The following SAMD4B variants were observed in gnomAD, a reference collection of about 807,000 sequenced individuals.
The protein encoded by SAMD4B is sterile alpha motif domain containing 4B, also known as protein Smaug homolog 2.
A neutral mutation model predicts 74.5 loss-of-function variants in SAMD4B; 5 were observed. The observed-to-expected ratio is 0.07, with a 90% CI of 0.04 to 0.14. The LOEUF (loss-of-function observed/expected upper bound fraction) is 0.14. Among genes scored for constraint, SAMD4B ranks in the 10% least tolerant of loss-of-function variants. The probability of loss-of-function intolerance (pLI) is 1.00; values close to 1 mark genes in which losing one functional copy is unlikely to be tolerated. For missense variants in SAMD4B, 608 were observed against 921.8 expected, an observed-to-expected ratio of 0.66 and a Z score of 4.41; for synonymous variants, 373 against 374.9, an observed-to-expected ratio of 1.00 and a Z score of 0.06.
downstream of SAMD4B, chr19:39,386,948 C>A: frequency 1.6e-6 from 1 of 642,702 alleles, no homozygotes; most frequent in Non-Finnish European, 2.8e-6. This position sits in a 1 kb window ranked among gnomAD's most constrained non-coding sequence, Gnocchi z 6.1. Flanking sequence ...TGAATAAGGG[C>A]AGCTAAGCTC....
chr19:39,357,110 A>G (rs748092328), intron 3 of SAMD4B, 21 bp downstream of exon 3: 59 of 1,583,102 alleles, frequency 3.7e-5, no homozygotes, highest in Non-Finnish European at 5.0e-5. Context: ...ACCCTTAGAG[A>G]TGGGAGCACA....
downstream of SAMD4B, chr19:39,388,638 T>G: frequency 6.2e-7 from 1 of 1,614,124 alleles, no homozygotes; most frequent in Non-Finnish European, 8.5e-7. Flanking sequence ...AGGCAGGAAA[T>G]AGGCCACAAA....
chr19:39,368,681 G>A (rs1315819838), intron 3 of SAMD4B, among the ~76,000 whole-genome samples: 1 of 152,162 alleles, frequency 6.6e-6, no homozygotes, highest in Non-Finnish European at 1.5e-5. Flanking sequence ...CGATTGGAAG[G>A]GGAGAATCTA....
At position 39,381,074 on chromosome 19, in the gene SAMD4B, G is replaced by T; in HGVS notation, c.1933G>T (p.Val645Phe). Residue 645 changes from valine (V) to phenylalanine (F), a missense_variant, in exon 12 of 14, where the codon GTC (valine) becomes TTC (phenylalanine). By Grantham distance (50) the Val-to-Phe change is conservative. Transcript: ENST00000610417. Reference sequence around the variant, plus strand: ...TGTGCAGCGCACCCACTCGCTCCCGGTCCACTCGTCACCCCAGGCCATTCT... The same window carrying T: ...TGTGCAGCGCACCCACTCGCTCCCGTTCCACTCGTCACCCCAGGCCATTCT... ...SSVQRTHSLP[V>F]HSSPQAILMF... The T allele has an allele frequency of 6.2e-7, 1 of 1,612,726 alleles. No homozygotes were observed. Among genetic ancestry groups the T allele is most frequent in the Non-Finnish European group, 8.5e-7 (1 of 1,179,868 alleles).
At chr19:39,388,684 G>A (rs1057254612), downstream of SAMD4B, 10 of 1,613,288 alleles carry the variant, frequency 6.2e-6, no homozygotes, top group African/African-American at 9.3e-5. Context: ...CCCCTGGTTG[G>A]GGGAAAAGGA....
chr19:39,375,795 GC>G lies in SAMD4B; in HGVS notation c.817del (p.Gln273ArgfsTer29). 6.2e-7 allele frequency: 1 copy of G among 1,613,944 alleles called. No individual in the cohort carries two copies. On this transcript the variant is annotated frameshift_variant, in exon 5 of 14. Transcript: ENST00000610417. LOFTEE classifies it high-confidence loss of function. The surrounding 1 kb of genome is among the most constrained non-coding windows in gnomAD (Gnocchi z 4.1). Reference sequence around the variant, plus strand: ...CCACGCCCGATCACGCACCTCTCTCGCCCCAGAGCAGCGTGGCCTCCTCTGG... The same window carrying G: ...CCACGCCCGATCACGCACCTCTCTCGCCCAGAGCAGCGTGGCCTCCTCTGG... ...FTTPDHAPLS[P>X]QSSVASSGSE... is the part of the protein sequence containing the mutation.
intron 4 of SAMD4B, among the ~76,000 whole-genome samples, chr19:39,374,003 T>TA (rs1379157845): frequency 2.9e-5 from 4 of 139,062 alleles, no homozygotes; most frequent in South Asian, 2.3e-4. Context: ...ACAGGTGGCT[T>TA]ACGCCTGTAA....
Position 39,378,419 on chromosome 19 carries a change from T to C in SAMD4B, c.1445-85T>C. On this transcript the variant is annotated intron_variant, in intron 8 of 13. Coordinates refer to ENST00000610417, the MANE Select transcript of SAMD4B (RefSeq NM_001384574.2). The surrounding 1 kb of genome is among the most constrained non-coding windows in gnomAD (Gnocchi z 4.4). ...CATCCAGCCTGAGTCTCCTGTTCCTTCTTGTGCACGAGCCAGCTGGAGGCT... is the reference window on the plus strand; with the variant it reads ...CATCCAGCCTGAGTCTCCTGTTCCTCCTTGTGCACGAGCCAGCTGGAGGCT... 6 of 1,208,300 alleles carry C rather than the reference T, an allele frequency of 5.0e-6. No individual in the cohort carries two copies. Among genetic ancestry groups the C allele is most frequent in the Non-Finnish European group, 7.3e-6 (6 of 818,442 alleles). The allele number at this position is 1,208,300 out of a possible 1,614,324, so 74.8% of individuals were successfully genotyped here.
chr19:39,347,927 G>T (rs1202008386), intron 1 of SAMD4B, among the ~76,000 whole-genome samples: 1 of 149,254 alleles, frequency 6.7e-6, no homozygotes, highest in Admixed American at 6.6e-5. Context: ...ATATTCTGAT[G>T]GGGGGAGGAA....
downstream of SAMD4B, chr19:39,389,479 C>T (rs1568374837): frequency 6.2e-7 from 1 of 1,614,132 alleles, no homozygotes; most frequent in Non-Finnish European, 8.5e-7. This position sits in a 1 kb window ranked among gnomAD's most constrained non-coding sequence, Gnocchi z 5.3. Context: ...TACCCACTCA[C>T]CTCTTGGAGC....
downstream of SAMD4B, chr19:39,389,254 C>A (rs1192695398): frequency 6.2e-7 from 1 of 1,609,138 alleles, no homozygotes; most frequent in South Asian, 1.1e-5. This position sits in a 1 kb window ranked among gnomAD's most constrained non-coding sequence, Gnocchi z 5.3. Context: ...ATATCTCCAC[C>A]TTCCCTCTCT....
chr19:39,385,205 T>A lies in SAMD4B; in HGVS notation c.*1678T>A. 16 of 164,058 alleles carry A rather than the reference T, an allele frequency of 9.8e-5. No individual in the cohort carries two copies. Among genetic ancestry groups the A allele is most frequent in the East Asian group, 1.6e-4 (1 of 6,382 alleles). 10.2% of individuals were successfully genotyped at this position (164,058 alleles called of 1,614,324 possible). On this transcript the variant is annotated 3_prime_UTR_variant, in exon 14 of 14. Coordinates refer to ENST00000610417, the MANE Select transcript of SAMD4B (RefSeq NM_001384574.2). ...TGTTTCTGTGCCTTTGCTCATCCCC[T>A]CAATCTCCCAGGGCTTCTCCAGTCC...
In SAMD4B at chr19:39,375,814, T is replaced by G; in HGVS notation, c.832T>G (p.Ser278Ala). The G allele has an allele frequency of 1.9e-6, 3 of 1,613,760 alleles. No homozygotes were observed. The highest frequency in any genetic ancestry group is 2.2e-5 in the East Asian group (1 of 44,870). The change falls in exon 5 of 14, where the codon TCC becomes GCC. Residue 278 changes from serine to alanine, a missense_variant. Ser to Ala is a moderately conservative substitution (Grantham distance 99). Around this residue, in one of 9 missense-constraint regions of SAMD4B, gnomAD observed 31 missense variants for 43.4 expected, o/e 0.71. Transcript: ENST00000610417. This position sits in a 1 kb window ranked among gnomAD's most constrained non-coding sequence, Gnocchi z 4.1. ...TCTCTCGCCCCAGAGCAGCGTGGCC[T>G]CCTCTGGCAGTGAGCAGACAGAGGA... ...APLSPQSSVASSGSEQTEEQG... is the reference protein window; with the variant it reads ...APLSPQSSVAASGSEQTEEQG...
chr19:39,388,478 G>A (rs769502254), downstream of SAMD4B: 30 of 1,614,008 alleles, frequency 1.9e-5, no homozygotes, highest in Middle Eastern at 1.6e-4. Flanking sequence ...CTGAAGATGA[G>A]GGCACAGGTT....
Position 39,383,051 on chromosome 19 carries a change from C to G in SAMD4B, c.1973-157C>G, listed in dbSNP as rs2078098394. Among the ~76,000 whole-genome samples the G allele has an allele frequency of 6.6e-6, 1 of 152,132 alleles. No individual in the cohort carries two copies. Among genetic ancestry groups the G allele is most frequent in the African/African-American group, 2.4e-5 (1 of 41,428 alleles). ...ATTGTCTCCTCTGCCTGTTGTGTGA[C>G]ACGCTCGCCTCTCTCCCTGTCCACC... On this transcript the variant is annotated intron_variant, in intron 12 of 13. Coordinates refer to ENST00000610417, the MANE Select transcript of SAMD4B (RefSeq NM_001384574.2). This position sits in a 1 kb window ranked among gnomAD's most constrained non-coding sequence, Gnocchi z 4.1.
intron 1 of SAMD4B, among the ~76,000 whole-genome samples, chr19:39,349,170 A>G (rs1330176600): frequency 6.6e-6 from 1 of 152,174 alleles, no homozygotes; most frequent in African/African-American, 2.4e-5. Context: ...AAAAAGAAAT[A>G]TCAAGACCTA....
chr19:39,356,573 G>A lies in SAMD4B; in HGVS notation c.-205-116G>A, dbSNP rs73546079. The A allele has an allele frequency of 4.6e-3, 948 of 205,210 alleles. 9 individuals carry two copies. The highest frequency in any genetic ancestry group is 0.021 in the African/African-American group (896 of 43,514). The allele number at this position is 205,210 out of a possible 1,614,324, so 12.7% of individuals were successfully genotyped here. On this transcript the variant is annotated intron_variant, in intron 2 of 13. Transcript: ENST00000610417. ...GCTTCATGTTTCTTCCAGGAGCTCA[G>A]CAGAGCAAGTACCCTGAAAGAGAAA...
At chr19:39,363,475 G>A (rs1388725111) in intron 3 of SAMD4B, among the ~76,000 whole-genome samples, 1 of 152,184 alleles carries the variant, frequency 6.6e-6, no homozygotes, top group Non-Finnish European at 1.5e-5. Context: ...ATGTGCTTTT[G>A]TACATGAACT....
intron 1 of SAMD4B, among the ~76,000 whole-genome samples, chr19:39,347,421 C>A (rs1051222798): frequency 6.6e-6 from 1 of 152,162 alleles, no homozygotes; most frequent in Admixed American, 6.5e-5. Flanking sequence ...GCCAAATAGG[C>A]CTGTGATTCC....
Sources: gnomAD v4.1 joint callset for allele counts (sites outside exome capture counted in the v4.1 genomes callset) on GRCh38, gnomAD v4.1.1 for gene constraint, gnomAD v4.1.1 regional missense constraint, Gnocchi (gnomAD v3.1) non-coding constraint, MANE v1.5 for transcripts, NCBI Gene and HGNC (gene_info 2026-07-23, HGNC 2026-07-21) for gene names.